IL1RAPL1: variants seen among roughly 807,000 people sequenced by gnomAD.
IL1RAPL1 encodes the protein interleukin 1 receptor accessory protein like 1.
IL1RAPL1 carries 3 observed loss-of-function variants against 48.4 expected under a neutral mutation model. The ratio of observed to expected loss-of-function variants is 0.06; its 90% confidence interval spans 0.03 to 0.16. The LOEUF (loss-of-function observed/expected upper bound fraction) is 0.16, where lower values mean the gene tolerates loss of function less well. Among genes scored for constraint, IL1RAPL1 ranks in the 10% least tolerant of loss-of-function variants. The probability of loss-of-function intolerance (pLI) is 1.00; values close to 1 mark genes in which losing one functional copy is unlikely to be tolerated. For synonymous variants in IL1RAPL1, 185 were observed against 187.7 expected (o/e 0.99, Z 0.12); for missense variants, 349 against 530.6 (o/e 0.66, Z 3.36).
At chrX:29,943,759 A>G (rs1933172615) in intron 9 of IL1RAPL1, among the ~76,000 whole-genome samples, 1 of 112,143 alleles carries the variant, frequency 8.9e-6, no homozygotes, top group Non-Finnish European at 1.9e-5. Flanking sequence ...AATGTAGAAA[A>G]TTCTGGAATA....
At chrX:29,658,010 C>A (rs1348095422) in intron 5 of IL1RAPL1, among the ~76,000 whole-genome samples, 1 of 111,326 alleles carries the variant, frequency 9.0e-6, no homozygotes, top group African/African-American at 3.3e-5. Context: ...ATTAACTATA[C>A]ACAAATTTAT....
intron 6 of IL1RAPL1, among the ~76,000 whole-genome samples, chrX:29,815,709 G>A (rs1394555409): frequency 9.0e-6 from 1 of 111,046 alleles, no homozygotes; most frequent in Non-Finnish European, 1.9e-5. Flanking sequence ...GGTGTTGGCT[G>A]TGGGTTTGTC....
At chrX:28,951,038 C>T (rs1468814134) in intron 2 of IL1RAPL1, among the ~76,000 whole-genome samples, 10 of 89,617 alleles carry the variant, frequency 1.1e-4, no homozygotes, top group Admixed American at 8.0e-4. Flanking sequence ...AACCAAACAC[C>T]GCATATTCTC....
intron 2 of IL1RAPL1, among the ~76,000 whole-genome samples, chrX:29,255,361 G>A (rs780471954): frequency 1.8e-5 from 2 of 109,458 alleles, no homozygotes; most frequent in African/African-American, 6.7e-5. Context: ...ATTCATGGTC[G>A]TTGAAGTATC....
intron 3 of IL1RAPL1, among the ~76,000 whole-genome samples, chrX:29,348,121 A>G (rs1320715958): frequency 8.9e-6 from 1 of 112,720 alleles, no homozygotes; most frequent in Non-Finnish European, 1.9e-5. Context: ...GGACTACTAT[A>G]CTTATAATAC....
At chrX:29,230,429 G>A (rs1931167839) in intron 2 of IL1RAPL1, among the ~76,000 whole-genome samples, 1 of 91,275 alleles carries the variant, frequency 1.1e-5, no homozygotes, top group Admixed American at 1.4e-4. Flanking sequence ...GCTCCCCACA[G>A]TATCAAAACC....
intron 6 of IL1RAPL1, among the ~76,000 whole-genome samples, chrX:29,879,532 TATC>T (rs1208385559): frequency 9.1e-6 from 1 of 109,387 alleles, no homozygotes; most frequent in Non-Finnish European, 1.9e-5. Context: ...ATATCAAAAA[TATC>T]ATATTGTTCC....
chrX:29,637,048 C>T (rs1308402988), intron 5 of IL1RAPL1, among the ~76,000 whole-genome samples: 46 of 90,966 alleles, frequency 5.1e-4, no homozygotes, highest in African/African-American at 1.7e-3. Context: ...AGGGAAACTC[C>T]GTCTCAAAAA....
intron 2 of IL1RAPL1, among the ~76,000 whole-genome samples, chrX:29,000,617 A>G (rs1368660083): frequency 9.0e-6 from 1 of 111,540 alleles, no homozygotes; most frequent in Non-Finnish European, 1.9e-5. Context: ...TTCTATCCCA[A>G]TTTTTCTTAC....
At position 29,505,841 on chromosome X, in the gene IL1RAPL1, C is replaced by G. The variant is rs563088006; in HGVS notation, c.703+106533C>G. Among the ~76,000 whole-genome samples, 7 of 111,722 alleles carry G rather than the reference C, an allele frequency of 6.3e-5. No individual in the cohort carries two copies. The South Asian group carries it at 2.6e-3, about 41-fold the overall frequency. On this transcript the variant is annotated intron_variant, in intron 5 of 10. Transcript: ENST00000378993. ...TTGAATAAGCTTTCTACCCCTTGAC[C>G]GACTCCCTCTTGAACACAAATAGTT...
intron 1 of IL1RAPL1, among the ~76,000 whole-genome samples, chrX:28,728,399 A>G (rs1935708180): frequency 8.9e-6 from 1 of 112,039 alleles, no homozygotes; most frequent in Non-Finnish European, 1.9e-5. Context: ...AGAAGAATTT[A>G]TTCTCTGCAG....
intron 6 of IL1RAPL1, among the ~76,000 whole-genome samples, chrX:29,767,755 T>C (rs1360517390): frequency 8.9e-6 from 1 of 111,996 alleles, no homozygotes; most frequent in Non-Finnish European, 1.9e-5. Flanking sequence ...TGCATATTTT[T>C]CATTGATCAA....
rs765920108 is a variant in IL1RAPL1 at position 28,823,893 on chromosome X, T to G, written c.82+34468T>G. Among the ~76,000 whole-genome samples the G allele has an allele frequency of 4.5e-5, 5 of 111,613 alleles. No individual in the cohort carries two copies. In the South Asian group the frequency reaches 1.9e-3, roughly 42 times the overall value. ...CACATCAGCCATGTCCTTTTTGCCATGTAAGGTAACATGTTCACATATTCT... is the reference window on the plus strand; with the variant it reads ...CACATCAGCCATGTCCTTTTTGCCAGGTAAGGTAACATGTTCACATATTCT... On this transcript the variant is annotated intron_variant, in intron 2 of 10. Coordinates refer to ENST00000378993, the MANE Select transcript of IL1RAPL1 (RefSeq NM_014271.4).
At chrX:28,678,085 G>A (rs1365032558) in intron 1 of IL1RAPL1, among the ~76,000 whole-genome samples, 1 of 111,715 alleles carries the variant, frequency 9.0e-6, no homozygotes, top group Admixed American at 9.5e-5. Context: ...TTGATTGAAT[G>A]CTAGCAGATG....
At chrX:29,131,625 G>A (rs1929024998) in intron 2 of IL1RAPL1, among the ~76,000 whole-genome samples, 1 of 111,335 alleles carries the variant, frequency 9.0e-6, no homozygotes, top group African/African-American at 3.3e-5. Flanking sequence ...AGGATATGTA[G>A]TCTTTCTATT....
chrX:29,105,992 G>A (rs1397714354), intron 2 of IL1RAPL1, among the ~76,000 whole-genome samples: 1 of 111,882 alleles, frequency 8.9e-6, no homozygotes, highest in Non-Finnish European at 1.9e-5. Flanking sequence ...AATCCTCAAG[G>A]CAAGATATAA....
At chrX:29,949,675 GC>G (rs1195823960) in intron 9 of IL1RAPL1, among the ~76,000 whole-genome samples, 6 of 111,797 alleles carry the variant, frequency 5.4e-5, no homozygotes, top group Non-Finnish European at 1.1e-4. Flanking sequence ...AATTATCCTA[GC>G]CCTATCCTTT....
At chrX:28,851,885 G>A (rs1432082407) in intron 2 of IL1RAPL1, among the ~76,000 whole-genome samples, 1 of 112,149 alleles carries the variant, frequency 8.9e-6, no homozygotes, top group African/African-American at 3.2e-5. Context: ...ACAGAATCTG[G>A]GGATAGCTGA....
intron 2 of IL1RAPL1, among the ~76,000 whole-genome samples, chrX:28,884,180 A>AAAAT (rs983765701): frequency 8.0e-5 from 9 of 111,938 alleles, no homozygotes; most frequent in Non-Finnish European, 1.7e-4. Context: ...TATAATTTAA[A>AAAAT]AAATAAATAA....
Sources: allele counts gnomAD v4.1 joint callset (sites outside exome capture counted in the v4.1 genomes callset), GRCh38; gene constraint gnomAD v4.1.1; transcripts MANE v1.5; gene names NCBI Gene and HGNC (gene_info 2026-07-23, HGNC 2026-07-21).